The following KIAA0825 variants were observed in gnomAD, a reference collection of about 807,000 sequenced individuals.
The protein encoded by KIAA0825 is KIAA0825, also known as uncharacterized protein KIAA0825.
In KIAA0825, 119 loss-of-function variants were observed where a neutral mutation model predicts 147.6. That is an observed-to-expected ratio of 0.81 (90% CI 0.69 to 0.94). The LOEUF is 0.94. KIAA0825 is among the 40% of genes least tolerant of loss of function. KIAA0825 has a pLI of 0.00. For missense variants in KIAA0825, 1,381 were observed against 1,472.7 expected (o/e 0.94, Z 1.02); for synonymous variants, 470 against 518.1 (o/e 0.91, Z 1.26).
intron 5 of KIAA0825, among the ~76,000 whole-genome samples, chr5:94,507,234 G>A (rs1765848793): frequency 6.6e-6 from 1 of 152,176 alleles, no homozygotes; most frequent in African/African-American, 2.4e-5. Flanking sequence ...CAGATCATGA[G>A]GTCAGGAGAC....
At chr5:94,570,777 CA>C (rs1422090320) in intron 2 of KIAA0825, 2 of 152,332 alleles carry the variant, frequency 1.3e-5, no homozygotes, top group Admixed American at 1.3e-4. Flanking sequence ...ACTTCACCAT[CA>C]GCACCCAAAG....
At chr5:94,277,116 G>A (rs990636452) in intron 20 of KIAA0825, among the ~76,000 whole-genome samples, 2 of 152,094 alleles carry the variant, frequency 1.3e-5, no homozygotes, top group African/African-American at 4.8e-5. Context: ...GTAAAGGTAA[G>A]ATTTTTCAGT....
intron 20 of KIAA0825, among the ~76,000 whole-genome samples, chr5:94,276,493 G>T (rs1327885194): frequency 1.3e-5 from 2 of 152,042 alleles, no homozygotes; most frequent in Non-Finnish European, 2.9e-5. Context: ...CAGAAAGAGT[G>T]TGGGATTTGA....
chr5:94,493,637 T>C (rs777690258), intron 5 of KIAA0825, among the ~76,000 whole-genome samples: 4 of 152,100 alleles, frequency 2.6e-5, no homozygotes, highest in African/African-American at 4.8e-5. Context: ...TACAGGCATC[T>C]GCCACCACGC....
intron 20 of KIAA0825, among the ~76,000 whole-genome samples, chr5:94,194,192 A>T (rs1173752676): frequency 6.6e-6 from 1 of 152,070 alleles, no homozygotes; most frequent in Non-Finnish European, 1.5e-5. Flanking sequence ...TGCCCTCCCC[A>T]GGCTCCTGCT....
At chr5:94,602,799 TCC>T (rs2152421905) in intron 1 of KIAA0825, among the ~76,000 whole-genome samples, 1 of 151,580 alleles carries the variant, frequency 6.6e-6, no homozygotes, top group African/African-American at 2.4e-5. Context: ...TTAAACCTCC[TCC>T]CTTTGTAAAT....
chr5:94,580,837 C>T (rs1781989173), intron 2 of KIAA0825, among the ~76,000 whole-genome samples: 1 of 31,568 alleles, frequency 3.2e-5, no homozygotes, highest in Non-Finnish European at 5.7e-5. Context: ...GATCCCGCCA[C>T]TGCACTCCAG....
chr5:94,476,938 C>T (rs1761965801), intron 7 of KIAA0825, among the ~76,000 whole-genome samples, 173 bp downstream of exon 7: 1 of 151,926 alleles, frequency 6.6e-6, no homozygotes, highest in African/African-American at 2.4e-5. Context: ...GACAGCATCC[C>T]CACTAAAGTG....
At chr5:94,301,399 TA>T (rs1249598962) in intron 20 of KIAA0825, among the ~76,000 whole-genome samples, 2 of 150,718 alleles carry the variant, frequency 1.3e-5, no homozygotes, top group African/African-American at 4.9e-5. Context: ...TATATATATA[TA>T]AAAAATATAT....
intron 3 of KIAA0825, 47 bp from the exon 4 acceptor site, chr5:94,524,145 G>A (rs1460301525): frequency 2.3e-6 from 3 of 1,282,736 alleles, no homozygotes; most frequent in South Asian, 2.8e-5. Context: ...TATAGATAAT[G>A]GCTTCATTTC....
chr5:94,259,562 T>C (rs1432038744), intron 20 of KIAA0825, among the ~76,000 whole-genome samples: 1 of 152,006 alleles, frequency 6.6e-6, no homozygotes, highest in African/African-American at 2.4e-5. Context: ...TCCTCTATAG[T>C]CTATTAGTAA....
intron 20 of KIAA0825, among the ~76,000 whole-genome samples, chr5:94,345,474 T>TA (rs956307831): frequency 7.9e-5 from 12 of 152,174 alleles, no homozygotes; most frequent in African/African-American, 2.7e-4. Context: ...CTGTCAGCCT[T>TA]AGACTTGAAT....
chr5:94,158,913 A>G (rs1767288953), intron 20 of KIAA0825, among the ~76,000 whole-genome samples: 1 of 152,214 alleles, frequency 6.6e-6, no homozygotes, highest in Admixed American at 6.5e-5. Flanking sequence ...AACTATTATG[A>G]TGATGATTAT....
intron 1 of KIAA0825, among the ~76,000 whole-genome samples, chr5:94,588,485 G>T (rs1783740790): frequency 6.6e-6 from 1 of 152,156 alleles, no homozygotes; most frequent in African/African-American, 2.4e-5. Context: ...AAACCACAAT[G>T]AGATACCATC....
intron 20 of KIAA0825, among the ~76,000 whole-genome samples, chr5:94,370,795 G>A (rs904119530): frequency 2.6e-5 from 4 of 152,092 alleles, no homozygotes; most frequent in Admixed American, 1.3e-4. Flanking sequence ...TGTAGTCCCA[G>A]CTACTCGGGA....
chr5:94,260,052 C>T (rs1254524609), intron 20 of KIAA0825, among the ~76,000 whole-genome samples: 1 of 152,022 alleles, frequency 6.6e-6, no homozygotes, highest in African/African-American at 2.4e-5. Flanking sequence ...TTCTTCCTTT[C>T]ATAATATACT....
intron 1 of KIAA0825, among the ~76,000 whole-genome samples, chr5:94,602,193 C>CA (rs1490799669): frequency 3.3e-5 from 5 of 151,824 alleles, no homozygotes; most frequent in East Asian, 1.9e-4. Context: ...ATTAAAAATA[C>CA]AAAAAAAATT....
chr5:94,535,441 C>T lies in KIAA0825; in HGVS notation c.131+1555G>A, dbSNP rs138872339. Among the ~76,000 whole-genome samples the T allele has an allele frequency of 5.3e-4, 63 of 119,570 alleles. No individual in the cohort carries two copies. In the East Asian group the frequency reaches 0.017, roughly 32 times the overall value. 78.4% of individuals were successfully genotyped at this position (119,570 alleles called of 152,430 possible). ...ACAAGAATCGCTTGAACCAGGCAGG[C>T]GGAGGTTGCAGTGAGCCGAAATCGT... is the stretch of plus-strand genomic sequence containing the variant. On this transcript the variant is annotated intron_variant, in intron 3 of 20. Transcript: ENST00000682413.
At chr5:94,580,213 C>T (rs934549991) in intron 2 of KIAA0825, among the ~76,000 whole-genome samples, 1 of 151,888 alleles carries the variant, frequency 6.6e-6, no homozygotes, top group East Asian at 1.9e-4. Flanking sequence ...TGATTAAAAC[C>T]AGAGCCAGGT....
Sources: allele counts gnomAD v4.1 joint callset (sites outside exome capture counted in the v4.1 genomes callset), GRCh38; gene constraint gnomAD v4.1.1; transcripts MANE v1.5; gene names NCBI Gene and HGNC (gene_info 2026-07-23, HGNC 2026-07-21).